CCN4: variants seen among roughly 807,000 people sequenced by gnomAD.
The protein encoded by CCN4 is CCN family member 4.
In CCN4, 30 loss-of-function variants were observed where a neutral mutation model predicts 36.7. The observed-to-expected ratio is 0.82, with a 90% CI of 0.61 to 1.11. CCN4 has a LOEUF of 1.11. CCN4 is among the 50% of genes least tolerant of loss of function. The pLI, the probability that CCN4 is intolerant of heterozygous loss-of-function variation, is 0.00. For missense variants in CCN4, 505 were observed against 504.9 expected, an observed-to-expected ratio of 1.00 and a Z score of 0.00; for synonymous variants, 191 against 195.4, an observed-to-expected ratio of 0.98 and a Z score of 0.19.
At chr8:133,204,273 G>GT (rs1300484157) in intron 1 of CCN4, among the ~76,000 whole-genome samples, 1 of 152,202 alleles carries the variant, frequency 6.6e-6, no homozygotes, top group African/African-American at 2.4e-5. Context: ...CAGAGCAGTT[G>GT]TGTCACCCTG....
intron 1 of CCN4, among the ~76,000 whole-genome samples, chr8:133,199,283 C>T (rs2929986): frequency 0.39 from 58,915 of 152,020 alleles, 12,057 homozygotes; most frequent in East Asian, 0.62. Flanking sequence ...AAGAAGAATG[C>T]CCCTCTGCTC....
intron 1 of CCN4, among the ~76,000 whole-genome samples, chr8:133,194,938 G>A (rs889758274): frequency 6.3e-5 from 9 of 143,240 alleles, no homozygotes; most frequent in African/African-American, 2.3e-4. Flanking sequence ...TTGTGTGTGT[G>A]GTGTGTGTGT....
At chr8:133,210,622 A>ATT (rs71299054) in intron 1 of CCN4, among the ~76,000 whole-genome samples, 4 of 151,750 alleles carry the variant, frequency 2.6e-5, no homozygotes, top group Non-Finnish European at 5.9e-5. Context: ...TGCAGGCAAG[A>ATT]TTTTTTTTGG....
intron 2 of CCN4, among the ~76,000 whole-genome samples, chr8:133,215,246 C>A (rs1854276765): frequency 6.6e-6 from 1 of 152,136 alleles, no homozygotes; most frequent in African/African-American, 2.4e-5. Flanking sequence ...AGGATCTAGT[C>A]CTTTAACAAG....
At chr8:133,226,177 A>T (rs1339155227) in intron 4 of CCN4, among the ~76,000 whole-genome samples, 1 of 152,218 alleles carries the variant, frequency 6.6e-6, no homozygotes, top group African/African-American at 2.4e-5. Flanking sequence ...TTAAAAGTGG[A>T]TCTGATTTAT....
At chr8:133,226,750 C>G (rs1315927008) in intron 4 of CCN4, among the ~76,000 whole-genome samples, 4 of 152,126 alleles carry the variant, frequency 2.6e-5, no homozygotes, top group Non-Finnish European at 5.9e-5. Flanking sequence ...AAGCTTCATG[C>G]CGCCATACAG....
Position 133,229,226 on chromosome 8 carries a change from T to A in CCN4, c.*1516T>A, listed in dbSNP as rs1309313141. On this transcript the variant is annotated 3_prime_UTR_variant, in exon 5 of 5. Transcript: ENST00000250160. ...GTGACTGGGAAAGTTAGGATTCAGA[T>A]CGAAATTGGACTGTCTTTATAACCC... is the stretch of plus-strand genomic sequence containing the variant. 1.3e-5 allele frequency: 2 copies of A among 152,202 alleles called. No homozygotes were observed. Among genetic ancestry groups the A allele is most frequent in the Non-Finnish European group, 2.9e-5 (2 of 68,036 alleles). The allele number at this position is 152,202 out of a possible 1,614,324, so 9.4% of individuals were successfully genotyped here. A position where few individuals can be genotyped will look rare whatever the true frequency, so the allele number is the denominator to read the frequency against.
intron 1 of CCN4, among the ~76,000 whole-genome samples, chr8:133,200,178 T>C (rs1438564125): frequency 6.6e-6 from 1 of 152,276 alleles, no homozygotes; most frequent in South Asian, 2.1e-4. Context: ...ATCCCCTGCT[T>C]TATTTCCCTG....
At chr8:133,196,013 ACCAGGAAGCAAAGCGAG>A in intron 1 of CCN4, among the ~76,000 whole-genome samples, 1 of 152,258 alleles carries the variant, frequency 6.6e-6, no homozygotes, top group South Asian at 2.1e-4. Flanking sequence ...GCCAACCACA[ACCAGGAAGCAAAGCGAG>A]CCAGCAAGGG....
chr8:133,209,089 C>T (rs1424093626), intron 1 of CCN4, among the ~76,000 whole-genome samples: 1 of 152,202 alleles, frequency 6.6e-6, no homozygotes, highest in Non-Finnish European at 1.5e-5. Flanking sequence ...CAATAATCCT[C>T]GGTCCCTAGA....
At chr8:133,210,831 G>T (rs1027255071) in intron 1 of CCN4, among the ~76,000 whole-genome samples, 5 of 152,182 alleles carry the variant, frequency 3.3e-5, no homozygotes, top group African/African-American at 9.6e-5. Context: ...CCAGACACAC[G>T]CAGGTCAGCG....
intron 1 of CCN4, among the ~76,000 whole-genome samples, chr8:133,194,308 T>G (rs62514009): frequency 0.55 from 52,632 of 95,504 alleles, 13,423 homozygotes; most frequent in African/African-American, 0.73. Context: ...GTGTGTGTGG[T>G]GTGTGTGTGT....
At chr8:133,225,301 TG>T in intron 3 of CCN4, 88 bp from the exon 4 acceptor site, 1 of 1,375,396 alleles carries the variant, frequency 7.3e-7, no homozygotes, top group Admixed American at 2.3e-5. Flanking sequence ...CTCTGAGTTC[TG>T]GGGACCGCAG....
intron 1 of CCN4, among the ~76,000 whole-genome samples, chr8:133,197,097 G>A (rs977574630): frequency 6.6e-6 from 1 of 151,996 alleles, no homozygotes; most frequent in Non-Finnish European, 1.5e-5. Context: ...GATGATGGTG[G>A]TGGTGGTGGT....
intron 1 of CCN4, among the ~76,000 whole-genome samples, chr8:133,199,707 C>G (rs752879971): frequency 2.5e-4 from 38 of 152,162 alleles, no homozygotes; most frequent in Non-Finnish European, 5.0e-4. Context: ...CATGCACACA[C>G]GCACACACAG....
intron 4 of CCN4, among the ~76,000 whole-genome samples, chr8:133,225,817 C>T (rs1409679487): frequency 6.6e-6 from 1 of 152,122 alleles, no homozygotes; most frequent in African/African-American, 2.4e-5. Context: ...CAGGATCACT[C>T]CAGAGAAACC....
Position 133,225,400 on chromosome 8 carries a change from T to G in CCN4, c.621T>G (p.Gly207=). The G allele has an allele frequency of 1.2e-6, 2 of 1,600,186 alleles. No individual in the cohort carries two copies. The highest frequency in any genetic ancestry group is 3.4e-4 in the Middle Eastern group (2 of 5,830). The part of the protein sequence containing the change: ...PRDTGAFDAV[G]EVEAWHRNCI... The stretch of plus-strand genomic sequence containing the variant: ...GTTCCCCACACACAGATGCTGTGGG[T>G]GAGGTGGAGGCATGGCACAGGAACT... Residue 207 remains glycine (G), a synonymous_variant, in exon 4 of 5, where the codon GGT becomes GGG. Coordinates refer to ENST00000250160, the MANE Select transcript of CCN4 (RefSeq NM_003882.4).
At chr8:133,207,487 T>A (rs935520051) in intron 1 of CCN4, among the ~76,000 whole-genome samples, 5 of 152,194 alleles carry the variant, frequency 3.3e-5, no homozygotes, top group Non-Finnish European at 4.4e-5. Context: ...GTGCACGGTG[T>A]TCCCTGTGCA....
rs559294050 is a variant in CCN4 at position 133,202,396 on chromosome 8, T to C, written c.70-10468T>C. ...GGAGGCTGGACGTTCTCAGAGGCTT[T>C]GTCTCTGACACTGGCCACTGCATGT... On this transcript the variant is annotated intron_variant, in intron 1 of 4. Coordinates refer to ENST00000250160, the MANE Select transcript of CCN4 (RefSeq NM_003882.4). Among the ~76,000 whole-genome samples the C allele has an allele frequency of 3.7e-4, 57 of 152,332 alleles. No individual in the cohort carries two copies. The East Asian group carries it at 0.01, about 27-fold the overall frequency.
Sources: gnomAD v4.1 joint callset for allele counts (sites outside exome capture counted in the v4.1 genomes callset) on GRCh38, gnomAD v4.1.1 for gene constraint, MANE v1.5 for transcripts, NCBI Gene and HGNC (gene_info 2026-07-23, HGNC 2026-07-21) for gene names.